The following HERC6 variants were observed in gnomAD, a reference collection of about 807,000 sequenced individuals.
The protein encoded by HERC6 is HECT and RLD domain containing E3 ubiquitin protein ligase family member 6.
HERC6 carries 101 observed loss-of-function variants against 114.5 expected under a neutral mutation model. That is an observed-to-expected ratio of 0.88 (90% CI 0.75 to 1.04). HERC6 has a LOEUF of 1.04. HERC6 is among the 50% of genes least tolerant of loss of function. The pLI, the probability that HERC6 is intolerant of heterozygous loss-of-function variation, is 0.00. For synonymous variants in HERC6, 408 were observed against 436.2 expected (o/e 0.94, Z 0.81); for missense variants, 1,133 against 1,230.9 (o/e 0.92, Z 1.19).
intron 8 of HERC6, 44 bp from the exon 9 acceptor site, chr4:88,404,832 C>T (rs537568767): frequency 1.5e-5 from 24 of 1,604,036 alleles, no homozygotes; most frequent in African/African-American, 1.1e-4. Context: ...TACTACTGAA[C>T]GTGTGTGTGT....
chr4:88,420,384 T>G (rs1736910251), intron 13 of HERC6, among the ~76,000 whole-genome samples: 1 of 152,180 alleles, frequency 6.6e-6, no homozygotes, highest in African/African-American at 2.4e-5. Context: ...CAAATTCCAT[T>G]TGTCGGGCTT....
intron 3 of HERC6, 40 bp downstream of exon 3, chr4:88,385,615 A>G (rs1734531950): frequency 9.6e-7 from 1 of 1,042,588 alleles, no homozygotes; most frequent in Admixed American, 3.1e-5. Context: ...AGTAGGAAGT[A>G]ATTTTTTGAA....
chr4:88,391,432 C>T (rs968818198), intron 4 of HERC6, among the ~76,000 whole-genome samples: 10 of 152,198 alleles, frequency 6.6e-5, no homozygotes, highest in South Asian at 2.1e-4. Flanking sequence ...CATCGGTTTC[C>T]GTAACTTCAC....
In HERC6 at chr4:88,431,188, T is replaced by G; in HGVS notation, c.2133T>G (p.Pro711=). The change falls in exon 17 of 23, where the codon CCT becomes CCG. Residue 711 remains proline (P), a synonymous_variant. Transcript: ENST00000264346. ...TTGAATTTATTAATGAAATTTGTCC[T>G]GAGTCTGGAGGGGTTAGTTCAGAGT... ...LVVEFINEIC[P]ESGGVSSEFF... is the part of the protein sequence containing the mutation. 2 of 1,609,570 alleles carry G rather than the reference T, an allele frequency of 1.2e-6. No homozygotes were observed. Among genetic ancestry groups the G allele is most frequent in the Non-Finnish European group, 1.7e-6 (2 of 1,178,488 alleles).
At chr4:88,382,382 A>G (rs989234204) in intron 1 of HERC6, among the ~76,000 whole-genome samples, 2 of 152,110 alleles carry the variant, frequency 1.3e-5, no homozygotes, top group Non-Finnish European at 2.9e-5. Context: ...AGGATCCAGC[A>G]TCTGCCTCTC....
At chr4:88,390,619 T>C in intron 3 of HERC6, 33 bp from the exon 4 acceptor site, 1 of 1,537,464 alleles carries the variant, frequency 6.5e-7, no homozygotes, top group Non-Finnish European at 8.9e-7. Context: ...TTCTAATATG[T>C]GTACAATTCT....
At chr4:88,380,931 A>G (rs1351902853) in intron 1 of HERC6, among the ~76,000 whole-genome samples, 1 of 152,080 alleles carries the variant, frequency 6.6e-6, no homozygotes, top group Non-Finnish European at 1.5e-5. Context: ...TATATGCAGT[A>G]TTTATGCAAC....
In HERC6 at chr4:88,436,894, ATCT is replaced by A; in HGVS notation, c.2418-8_2418-6del. On this transcript the variant is annotated splice_polypyrimidine_tract_variant and splice_region_variant and intron_variant, in intron 18 of 22. Transcript: ENST00000264346. The stretch of plus-strand genomic sequence containing the variant: ...AATAAATATAATTTTTAAAACCAAA[ATCT>A]TCATTAGGAGTTTGCAAGAAGTTCT... The A allele has an allele frequency of 6.3e-7, 1 of 1,585,384 alleles. No individual in the cohort carries two copies. Among genetic ancestry groups the A allele is most frequent in the Non-Finnish European group, 8.6e-7 (1 of 1,165,758 alleles).
chr4:88,380,232 T>A (rs1426710815), intron 1 of HERC6, among the ~76,000 whole-genome samples: 1 of 76,892 alleles, frequency 1.3e-5, no homozygotes, highest in Non-Finnish European at 2.2e-5. Context: ...ATATAATATA[T>A]AAATATATAT....
At chr4:88,439,827 C>G in intron 20 of HERC6, 47 bp from the exon 21 acceptor site, 1 of 1,385,290 alleles carries the variant, frequency 7.2e-7, no homozygotes, top group South Asian at 1.7e-5. Context: ...TAATCATTGG[C>G]CTTTTCCTTC....
chr4:88,400,626 G>T (rs1046565061), intron 8 of HERC6, among the ~76,000 whole-genome samples: 2 of 152,050 alleles, frequency 1.3e-5, no homozygotes, highest in Non-Finnish European at 2.9e-5. Flanking sequence ...ACATGTTCTG[G>T]GTGGCATGAT....
Position 88,413,169 on chromosome 4 carries a change from A to G in HERC6, c.1461A>G (p.Glu487=). The change falls in exon 12 of 23, where the codon GAA becomes GAG. Residue 487 remains glutamate (E), a synonymous_variant. Transcript: ENST00000264346. ...EALSVFLLLP[E]CPVMHDSKNW... is the part of the protein sequence containing the mutation. The stretch of plus-strand genomic sequence containing the variant: ...TATCAGTTTTCCTCCTGCTCCCAGA[A>G]TGTCCTGTGATGCATGATTCTAAGA... The G allele has an allele frequency of 6.2e-7, 1 of 1,613,558 alleles. No homozygotes were observed. Among genetic ancestry groups the G allele is most frequent in the Non-Finnish European group, 8.5e-7 (1 of 1,179,534 alleles).
chr4:88,420,419 T>C (rs1736914439), intron 13 of HERC6, among the ~76,000 whole-genome samples: 1 of 152,202 alleles, frequency 6.6e-6, no homozygotes, highest in Non-Finnish European at 1.5e-5. Context: ...GACCTGGTAG[T>C]GAAATGAATC....
chr4:88,390,177 CAAAAAA>C (rs1156777502), intron 3 of HERC6, among the ~76,000 whole-genome samples: 20 of 48,668 alleles, frequency 4.1e-4, no homozygotes, highest in South Asian at 3.3e-3. Flanking sequence ...AACTCTGTAT[CAAAAAA>C]AAAAAAAAAA....
intron 11 of HERC6, among the ~76,000 whole-genome samples, chr4:88,409,542 T>C (rs1303094113): frequency 6.6e-6 from 1 of 152,244 alleles, no homozygotes; most frequent in African/African-American, 2.4e-5. Flanking sequence ...ATTTTCAATA[T>C]AATCAGAGCA....
In HERC6 at chr4:88,379,201, G is replaced by A. The variant is rs144112213; in HGVS notation, c.199+81G>A. On this transcript the variant is annotated intron_variant, in intron 1 of 22. Transcript: ENST00000264346. ...GCTTGGGTACCGGGCGCAGGGAACC[G>A]GGTGCGGAGCGCTGGGACCCGGGTG... 8.3e-4 allele frequency: 987 copies of A among 1,192,242 alleles called. 13 individuals carry two copies. In the African/African-American group the frequency reaches 0.014, roughly 17 times the overall value. The allele number at this position is 1,192,242 out of a possible 1,614,324, so 73.9% of individuals were successfully genotyped here.
chr4:88,388,972 G>A (rs749337222), intron 3 of HERC6, among the ~76,000 whole-genome samples: 13 of 152,210 alleles, frequency 8.5e-5, no homozygotes, highest in Non-Finnish European at 1.0e-4. Flanking sequence ...ATATTGGTTT[G>A]GTACCCCTTC....
chr4:88,390,641 C>CT lies in HERC6; in HGVS notation c.437-8dup. ...ATGTGTACAATTCTTAATTTCTCGT[C>CT]TTTGTTGTAGATAGCCAAGTGTTTT... On this transcript the variant is annotated splice_polypyrimidine_tract_variant and intron_variant, in intron 3 of 22. Transcript: ENST00000264346. 1 of 1,582,320 alleles carries CT rather than the reference C, an allele frequency of 6.3e-7. No homozygotes were observed. The highest frequency in any genetic ancestry group is 8.6e-7 in the Non-Finnish European group (1 of 1,158,458).
intron 13 of HERC6, among the ~76,000 whole-genome samples, chr4:88,421,611 T>A (rs1279490248): frequency 6.6e-6 from 1 of 152,048 alleles, no homozygotes; most frequent in Non-Finnish European, 1.5e-5. Context: ...CATGCCTGGC[T>A]AATTTTTGTA....
Sources: gnomAD v4.1 joint callset for allele counts (sites outside exome capture counted in the v4.1 genomes callset) on GRCh38, gnomAD v4.1.1 for gene constraint, MANE v1.5 for transcripts, NCBI Gene and HGNC (gene_info 2026-07-23, HGNC 2026-07-21) for gene names.